PCDHA13: variants seen among roughly 807,000 people sequenced by gnomAD.
PCDHA13 encodes the protein protocadherin alpha 13.
In PCDHA13, 54 loss-of-function variants were observed where a neutral mutation model predicts 64.8. The ratio of observed to expected loss-of-function variants is 0.83; its 90% CI spans 0.67 to 1.04. The LOEUF (loss-of-function observed/expected upper bound fraction) is 1.04, where lower values mean the gene tolerates loss of function less well. PCDHA13 is among the 50% of genes least tolerant of loss of function. The probability of loss-of-function intolerance (pLI) is 0.00; values close to 1 mark genes in which losing one functional copy is unlikely to be tolerated. For synonymous variants in PCDHA13, 587 were observed against 564.4 expected, an observed-to-expected ratio of 1.04 and a Z score of -0.57; for missense variants, 1,248 against 1,254.3, an observed-to-expected ratio of 0.99 and a Z score of 0.08.
At chr5:140,897,367 T>G (rs1554187348) in intron 1 of PCDHA13, among the ~76,000 whole-genome samples, 1 of 125,642 alleles carries the variant, frequency 8.0e-6, no homozygotes, top group South Asian at 2.5e-4. Flanking sequence ...CAGAGTGTGA[T>G]GTTCCCTTCC....
At chr5:141,006,412 A>G (rs1423476125) in intron 3 of PCDHA13, among the ~76,000 whole-genome samples, 7 of 151,898 alleles carry the variant, frequency 4.6e-5, no homozygotes, top group African/African-American at 1.7e-4. Flanking sequence ...ACGCGGTTTC[A>G]CTGTGTTAGC....
At chr5:140,989,598 TA>T (rs1554250927) in intron 3 of PCDHA13, among the ~76,000 whole-genome samples, 1 of 152,144 alleles carries the variant, frequency 6.6e-6, no homozygotes, top group Non-Finnish European at 1.5e-5. Flanking sequence ...CTGACACAAG[TA>T]AACTAAAAAT....
intron 1 of PCDHA13, among the ~76,000 whole-genome samples, chr5:140,933,436 A>G (rs1554209364): frequency 6.6e-6 from 1 of 152,102 alleles, no homozygotes; most frequent in Non-Finnish European, 1.5e-5. Flanking sequence ...GGGGCACTCT[A>G]ATGACATACC....
chr5:140,908,493 G>T (rs545927854), intron 1 of PCDHA13, among the ~76,000 whole-genome samples: 14 of 152,270 alleles, frequency 9.2e-5, no homozygotes, highest in African/African-American at 3.4e-4. Flanking sequence ...AGTTCAGGTT[G>T]CTTGGTGACT....
intron 1 of PCDHA13, among the ~76,000 whole-genome samples, chr5:140,902,974 AGGTT>A (rs2069912537): frequency 6.6e-6 from 1 of 152,178 alleles, no homozygotes. Context: ...ATGGGCATTT[AGGTT>A]GGTTCCATAT....
intron 1 of PCDHA13, among the ~76,000 whole-genome samples, chr5:140,978,477 G>A (rs1362771671): frequency 6.6e-6 from 1 of 152,342 alleles, no homozygotes; most frequent in African/African-American, 2.4e-5. Context: ...ATATGCTGCA[G>A]TCTGCAAAGC....
chr5:140,974,709 C>T (rs1385583490), intron 1 of PCDHA13, among the ~76,000 whole-genome samples: 1 of 152,092 alleles, frequency 6.6e-6, no homozygotes, highest in Non-Finnish European at 1.5e-5. Flanking sequence ...CCATGTTGTT[C>T]AAGCTGCTCT....
intron 1 of PCDHA13, among the ~76,000 whole-genome samples, chr5:140,955,262 CT>C (rs1165777806): frequency 3.9e-5 from 6 of 152,044 alleles, no homozygotes; most frequent in African/African-American, 1.4e-4. Flanking sequence ...TATAAAGGCT[CT>C]TTTTTGGTTC....
chr5:140,941,202 C>CCTTTCTTCCTTCCTTT (rs1394736170), intron 1 of PCDHA13, among the ~76,000 whole-genome samples: 7 of 122,740 alleles, frequency 5.7e-5, no homozygotes, highest in African/African-American at 1.5e-4. Context: ...TTTCTTTCTT[C>CCTTTCTTCCTTCCTTT]CTTTCTTTCT....
chr5:140,908,547 A>G (rs2074022083), intron 1 of PCDHA13, among the ~76,000 whole-genome samples: 1 of 152,152 alleles, frequency 6.6e-6, no homozygotes, highest in Non-Finnish European at 1.5e-5. Context: ...AAAGCCCAGT[A>G]ATAGGCCAAG....
intron 2 of PCDHA13, among the ~76,000 whole-genome samples, chr5:140,980,982 C>G (rs1208541065): frequency 6.6e-6 from 1 of 151,990 alleles, no homozygotes; most frequent in East Asian, 1.9e-4. Flanking sequence ...ACTGAGCCCA[C>G]ACAATTTGCT....
chr5:140,945,409 T>C (rs945280530), intron 1 of PCDHA13, among the ~76,000 whole-genome samples: 4 of 152,116 alleles, frequency 2.6e-5, no homozygotes, highest in African/African-American at 9.7e-5. Flanking sequence ...ACAATTCGTA[T>C]CAAAATTTCA....
chr5:140,924,178 A>C (rs2081709408), intron 1 of PCDHA13, among the ~76,000 whole-genome samples: 3 of 152,260 alleles, frequency 2.0e-5, no homozygotes. Context: ...GCACTGAAGC[A>C]GAAAATTAGT....
intron 1 of PCDHA13, among the ~76,000 whole-genome samples, chr5:140,912,343 ATTTTT>A (rs35252606): frequency 7.0e-6 from 1 of 143,858 alleles, no homozygotes; most frequent in Non-Finnish European, 1.5e-5. Context: ...TACACTAAGT[ATTTTT>A]TTTTTTTTTT....
intron 3 of PCDHA13, among the ~76,000 whole-genome samples, chr5:141,007,519 T>A (rs1554261363): frequency 6.6e-6 from 1 of 151,934 alleles, no homozygotes; most frequent in African/African-American, 2.4e-5. Context: ...AGTGAGCTGA[T>A]ATCTCGCCAC....
At chr5:140,991,535 A>G (rs1323346658) in intron 3 of PCDHA13, among the ~76,000 whole-genome samples, 4 of 152,244 alleles carry the variant, frequency 2.6e-5, no homozygotes, top group South Asian at 4.1e-4. Context: ...TTGCCACTAT[A>G]TAACAAGGAT....
At chr5:140,960,440 T>C (rs1304890095) in intron 1 of PCDHA13, among the ~76,000 whole-genome samples, 1 of 152,164 alleles carries the variant, frequency 6.6e-6, no homozygotes, top group Admixed American at 6.5e-5. Flanking sequence ...ACTCTAGATA[T>C]ATGTATGGAT....
At chr5:141,003,039 T>C (rs2098108520) in intron 3 of PCDHA13, among the ~76,000 whole-genome samples, 1 of 152,216 alleles carries the variant, frequency 6.6e-6, no homozygotes, top group Admixed American at 6.5e-5. Flanking sequence ...AAAGCCCTCC[T>C]GGCCTTAACA....
intron 3 of PCDHA13, among the ~76,000 whole-genome samples, chr5:140,987,298 G>A (rs2097247103): frequency 6.6e-6 from 1 of 152,086 alleles, no homozygotes; most frequent in South Asian, 2.1e-4. Context: ...AGCCTTCTAT[G>A]TGATACCAAT....
Sources: allele counts gnomAD v4.1 joint callset (sites outside exome capture counted in the v4.1 genomes callset), GRCh38; gene constraint gnomAD v4.1.1; transcripts MANE v1.5; gene names NCBI Gene and HGNC (gene_info 2026-07-23, HGNC 2026-07-21).